Variants in ALDH2 observed in about 807,000 individuals in gnomAD.
ALDH2 encodes the protein aldehyde dehydrogenase 2 family member.
A neutral mutation model predicts 59.6 loss-of-function variants in ALDH2; 44 were observed. The ratio of observed to expected loss-of-function variants is 0.74; its 90% CI spans 0.58 to 0.95. The LOEUF (loss-of-function observed/expected upper bound fraction) is 0.95. ALDH2 is among the 40% of genes least tolerant of loss of function. The pLI is 0.00. For missense variants in ALDH2, 570 were observed against 696.3 expected (o/e 0.82, Z 2.04); for synonymous variants, 291 against 284.0 (o/e 1.02, Z -0.25).
Position 111,789,914 on chromosome 12 carries a change from G to A in ALDH2, c.532G>A (p.Val178Met). ...CTACACACGCCATGAACCTGTGGGGGTGTGCGGGCAGATCATTCCGGTGAG... is the reference window on the plus strand; with the variant it reads ...CTACACACGCCATGAACCTGTGGGGATGTGCGGGCAGATCATTCCGGTGAG... The part of the protein sequence containing the change: ...FSYTRHEPVG[V>M]CGQIIPWNFP... The change falls in exon 5 of 13, where the codon GTG becomes ATG. Residue 178 changes from valine to methionine, a missense_variant. Val to Met is a conservative substitution (Grantham distance 21, BLOSUM62 1). Coordinates refer to ENST00000261733, the MANE Select transcript of ALDH2 (RefSeq NM_000690.4). The A allele has an allele frequency of 5.6e-6, 9 of 1,614,198 alleles. No individual in the cohort carries two copies. The highest frequency in any genetic ancestry group is 7.6e-6 in the Non-Finnish European group (9 of 1,180,032).
At chr12:111,782,082 T>C in intron 2 of ALDH2, 60 bp downstream of exon 2, 8 of 1,343,194 alleles carry the variant, frequency 6.0e-6, no homozygotes, top group Non-Finnish European at 8.5e-6. Context: ...TTATACGTTT[T>C]TGTGTGGTGA....
chr12:111,794,111 T>C (rs1341635763), intron 9 of ALDH2, among the ~76,000 whole-genome samples: 2 of 147,292 alleles, frequency 1.4e-5, no homozygotes, highest in Non-Finnish European at 3.0e-5. Flanking sequence ...CTGTACCTCC[T>C]GGGTTCAAGT....
At chr12:111,801,240 A>G (rs1399971888) in intron 11 of ALDH2, among the ~76,000 whole-genome samples, 1 of 152,186 alleles carries the variant, frequency 6.6e-6, no homozygotes, top group Non-Finnish European at 1.5e-5. Context: ...TGTCACAAGA[A>G]TAGCATGGGA....
intron 11 of ALDH2, among the ~76,000 whole-genome samples, chr12:111,802,411 CAAAAA>C (rs58247934): frequency 5.2e-3 from 450 of 86,606 alleles, no homozygotes; most frequent in Non-Finnish European, 8.9e-3. Context: ...GACTCTGTCT[CAAAAA>C]AAAAAAAAAA....
intron 3 of ALDH2, among the ~76,000 whole-genome samples, chr12:111,784,267 T>G (rs942255964): frequency 6.6e-6 from 1 of 152,120 alleles, no homozygotes; most frequent in Non-Finnish European, 1.5e-5. Flanking sequence ...TGAGCTGTTG[T>G]GGTGCCACTG....
chr12:111,779,815 A>T (rs1248602839), intron 1 of ALDH2, among the ~76,000 whole-genome samples: 1 of 152,200 alleles, frequency 6.6e-6, no homozygotes, highest in Non-Finnish European at 1.5e-5. Flanking sequence ...TTGCTGGGAG[A>T]TGTCTTCTCT....
chr12:111,816,440 C>T lies in ALDH2; in HGVS notation c.*6865C>T, dbSNP rs769475585. On this transcript the variant is annotated 3_prime_UTR_variant, in exon 13 of 13. Coordinates refer to ENST00000261733, the MANE Select transcript of ALDH2 (RefSeq NM_000690.4). ...CAGTAGATAACCTCAAAGAGCATGG[C>T]GCCAGGGAGTGATTGCCCTCAGCGA... 1.3e-4 allele frequency: 20 copies of T among 152,224 alleles called. No homozygotes were observed. The highest frequency in any genetic ancestry group is 4.8e-4 in the African/African-American group (20 of 41,528). 9.4% of individuals were successfully genotyped at this position (152,224 alleles called of 1,614,324 possible). A position where few individuals can be genotyped will look rare whatever the true frequency, so the allele number is the denominator to read the frequency against.
chr12:111,792,278 C>T (rs1304049208), intron 8 of ALDH2, 115 bp downstream of exon 8: 28 of 855,326 alleles, frequency 3.3e-5, no homozygotes, highest in Non-Finnish European at 5.0e-5. Flanking sequence ...TGCTGTCCCT[C>T]GGGCCTCAGG....
At chr12:111,789,568 G>T (rs2068340006) in intron 4 of ALDH2, among the ~76,000 whole-genome samples, 1 of 152,044 alleles carries the variant, frequency 6.6e-6, no homozygotes, top group African/African-American at 2.4e-5. Flanking sequence ...GAGTGGGATT[G>T]AGTAGATTGG....
At chr12:111,785,373 G>C in intron 4 of ALDH2, 27 bp downstream of exon 4, 1 of 1,598,204 alleles carries the variant, frequency 6.3e-7, no homozygotes, top group Non-Finnish European at 8.6e-7. Context: ...CCTGTTCTTT[G>C]TTCTGGCAGG....
intron 1 of ALDH2, among the ~76,000 whole-genome samples, chr12:111,770,536 A>G (rs923541676): frequency 6.6e-6 from 1 of 151,964 alleles, no homozygotes; most frequent in Non-Finnish European, 1.5e-5. Flanking sequence ...TGCTCACTGC[A>G]GCCTCAACCT....
At chr12:111,809,434 G>GA (rs1407337677) in intron 12 of ALDH2, 109 bp from the exon 13 acceptor site, 2 of 1,252,268 alleles carry the variant, frequency 1.6e-6, no homozygotes, top group African/African-American at 1.5e-5. Context: ...AGTCTGGGGA[G>GA]AAAAAAAGAA....
rs2068531445 is a variant in ALDH2, at chr12:111,810,963, T to C, written c.*1388T>C. ...ATTTGGAAACCAGATGTCAATTTAC[T>C]TACTTTAAGTGAGATCTGTATCTTC... On this transcript the variant is annotated 3_prime_UTR_variant, in exon 13 of 13. Coordinates refer to ENST00000261733, the MANE Select transcript of ALDH2 (RefSeq NM_000690.4). 6.6e-6 allele frequency: 1 copy of C among 152,186 alleles called. No individual in the cohort carries two copies. Among genetic ancestry groups the C allele is most frequent in the Non-Finnish European group, 1.5e-5 (1 of 68,038 alleles). 9.4% of individuals were successfully genotyped at this position (152,186 alleles called of 1,614,324 possible). A position where few individuals can be genotyped will look rare whatever the true frequency, so the allele number is the denominator to read the frequency against.
At chr12:111,774,090 C>T (rs986765654) in intron 1 of ALDH2, among the ~76,000 whole-genome samples, 1 of 152,192 alleles carries the variant, frequency 6.6e-6, no homozygotes, top group African/African-American at 2.4e-5. Flanking sequence ...CAAGTTGAAA[C>T]CGCGCCTGTC....
At chr12:111,802,478 G>C (rs145723360) in intron 11 of ALDH2, among the ~76,000 whole-genome samples, 148 of 152,076 alleles carry the variant, frequency 9.7e-4, no homozygotes, top group African/African-American at 3.4e-3. Flanking sequence ...CTACTCAGGA[G>C]GCTGAGGCAG....
Position 111,790,000 on chromosome 12 carries a change from G to A in ALDH2, c.552+66G>A, listed in dbSNP as rs2068345054. The A allele has an allele frequency of 3.3e-6, 5 of 1,503,956 alleles. No individual in the cohort carries two copies. In the East Asian group the frequency reaches 9.1e-5, roughly 27 times the overall value. The allele number at this position is 1,503,956 out of a possible 1,614,324, so 93.2% of individuals were successfully genotyped here. ...GATTTGGCAGTCTGCCAGACTCATT[G>A]CAGAGGTTCTGGGGTGGTGTCGGAA... is the stretch of plus-strand genomic sequence containing the variant. On this transcript the variant is annotated intron_variant, in intron 5 of 12. Transcript: ENST00000261733.
chr12:111,795,737 G>A (rs928247102), intron 9 of ALDH2, among the ~76,000 whole-genome samples: 18 of 150,430 alleles, frequency 1.2e-4, no homozygotes, highest in South Asian at 8.5e-4. Flanking sequence ...GATTACAGGC[G>A]CCCACCACCA....
Position 111,817,080 on chromosome 12 carries a change from T to G in ALDH2, c.*7505T>G, listed in dbSNP as rs1177509123. 1 of 152,212 alleles carries G rather than the reference T, an allele frequency of 6.6e-6. No homozygotes were observed. Among genetic ancestry groups the G allele is most frequent in the African/African-American group, 2.4e-5 (1 of 41,454 alleles). 9.4% of individuals were successfully genotyped at this position (152,212 alleles called of 1,614,324 possible). A position where few individuals can be genotyped will look rare whatever the true frequency, so the allele number is the denominator to read the frequency against. ...AGCCGTGGATTTCAACAATGCCACT[T>G]CAGTTTGTAACTCAGTGTTAATTTT... On this transcript the variant is annotated 3_prime_UTR_variant, in exon 13 of 13. Transcript: ENST00000261733.
intron 9 of ALDH2, among the ~76,000 whole-genome samples, chr12:111,794,223 T>C (rs931410778): frequency 1.3e-5 from 2 of 152,074 alleles, no homozygotes; most frequent in African/African-American, 4.8e-5. Context: ...TTTCACCACG[T>C]TGGCCAGGAT....
Sources: allele counts gnomAD v4.1 joint callset (sites outside exome capture counted in the v4.1 genomes callset), GRCh38; gene constraint gnomAD v4.1.1; transcripts MANE v1.5; gene names NCBI Gene and HGNC (gene_info 2026-07-23, HGNC 2026-07-21).